AIRIM: variants seen among roughly 807,000 people sequenced by gnomAD.
AIRIM encodes the protein AFG2 interacting ribosome maturation factor.
chr1:37,681,894 C>A, the AIRIM span: 1 of 152,086 alleles, frequency 6.6e-6, no homozygotes, highest in African/African-American at 2.4e-5. Flanking sequence ...GACAACCTAA[C>A]AGTATGTATC....
At chr1:37,687,384 G>A in the AIRIM span, among the ~76,000 whole-genome samples, 3 of 151,234 alleles carry the variant, frequency 2.0e-5, no homozygotes, top group East Asian at 1.9e-4. Context: ...CACCTACCTC[G>A]GCCTCCCAAA....
At chr1:37,683,240 T>C in the AIRIM span, 1 of 1,610,574 alleles carries the variant, frequency 6.2e-7, no homozygotes, top group African/African-American at 1.3e-5. Flanking sequence ...CAAGGGCACC[T>C]TCCTAATGCT....
At chr1:37,689,473 T>G in the AIRIM span, 1 of 1,097,554 alleles carries the variant, frequency 9.1e-7, no homozygotes, top group Admixed American at 2.7e-5. Flanking sequence ...CCAGATGAAG[T>G]AAGGAAGGTT....
the AIRIM span, chr1:37,683,007 G>T: frequency 9.1e-7 from 1 of 1,097,742 alleles, no homozygotes; most frequent in African/African-American, 1.6e-5. Flanking sequence ...AAGGTTCAAG[G>T]CACTGATGTT....
the AIRIM span, chr1:37,682,958 C>CAG: frequency 1.4e-6 from 1 of 694,464 alleles, no homozygotes; most frequent in Non-Finnish European, 2.4e-6. Flanking sequence ...GCTCCAAAAT[C>CAG]AGACATCTAG....
the AIRIM span, chr1:37,690,604 G>T: frequency 1.8e-6 from 1 of 571,228 alleles, no homozygotes; most frequent in Non-Finnish European, 2.6e-6. Flanking sequence ...ATATCGTAGT[G>T]CCGCAATGAC....
At chr1:37,683,426 C>A in the AIRIM span, 7 of 1,613,792 alleles carry the variant, frequency 4.3e-6, no homozygotes, top group South Asian at 7.7e-5. Flanking sequence ...AAGATACTTT[C>A]TCTTCAGGTA....
chr1:37,685,823 T>C, the AIRIM span, among the ~76,000 whole-genome samples: 1 of 152,222 alleles, frequency 6.6e-6, no homozygotes, highest in Non-Finnish European at 1.5e-5. Flanking sequence ...GGAATGTTCT[T>C]ACCACAAGGC....
At chr1:37,686,122 G>A in the AIRIM span, 140 of 683,518 alleles carry the variant, frequency 2.0e-4, 3 homozygotes, top group South Asian at 2.9e-3. Flanking sequence ...ATTATTAGAG[G>A]AAGGATTATA....
At chr1:37,684,271 G>C in the AIRIM span, 1 of 152,264 alleles carries the variant, frequency 6.6e-6, no homozygotes. Flanking sequence ...GCTTAGTAAT[G>C]TCAGCCGCAG....
the AIRIM span, chr1:37,686,266 A>C: frequency 6.2e-7 from 1 of 1,609,082 alleles, no homozygotes; most frequent in Non-Finnish European, 8.5e-7. Flanking sequence ...ATGTGTGCAA[A>C]GGATACGACT....
At chr1:37,684,977 G>C in the AIRIM span, among the ~76,000 whole-genome samples, 1 of 151,496 alleles carries the variant, frequency 6.6e-6, no homozygotes, top group Non-Finnish European at 1.5e-5. Flanking sequence ...GGTCAACACA[G>C]CAAGACCCCA....
chr1:37,689,504 G>T, the AIRIM span: 6 of 1,340,964 alleles, frequency 4.5e-6, no homozygotes, highest in Non-Finnish European at 6.0e-6. Context: ...CACATGCCAC[G>T]CTTTCAAGGA....
chr1:37,690,703 C>A, the AIRIM span, among the ~76,000 whole-genome samples: 2 of 152,222 alleles, frequency 1.3e-5, no homozygotes, highest in Non-Finnish European at 2.9e-5. Flanking sequence ...AACACGGCGA[C>A]TTCTCATTTG....
the AIRIM span, among the ~76,000 whole-genome samples, chr1:37,685,134 C>A: frequency 2.1e-5 from 3 of 139,726 alleles, no homozygotes; most frequent in African/African-American, 8.1e-5. Context: ...TAGGTCTTAT[C>A]CTGTTACTCC....
the AIRIM span, chr1:37,683,586 A>C: frequency 1.2e-6 from 1 of 819,490 alleles, no homozygotes; most frequent in East Asian, 2.6e-5. Flanking sequence ...TATGCTACAA[A>C]TATTTCCTGA....
the AIRIM span, chr1:37,690,258 T>G: frequency 1.5e-6 from 2 of 1,292,486 alleles, no homozygotes; most frequent in African/African-American, 3.0e-5. Context: ...GTGCTGGGAT[T>G]ACAGGCGTGA....
the AIRIM span, chr1:37,683,193 C>G: frequency 6.2e-7 from 1 of 1,604,452 alleles, no homozygotes; most frequent in Non-Finnish European, 8.5e-7. Context: ...ATGGCATTAT[C>G]ACCTCTCCCG....
At chr1:37,685,632 C>G in the AIRIM span, among the ~76,000 whole-genome samples, 14 of 152,236 alleles carry the variant, frequency 9.2e-5, no homozygotes, top group East Asian at 2.7e-3. Context: ...AAGCAGTCCT[C>G]CCACCTCAGC....
Sources: gnomAD v4.1 joint callset for allele counts (sites outside exome capture counted in the v4.1 genomes callset) on GRCh38, gnomAD v4.1.1 for gene constraint, MANE v1.5 for transcripts, NCBI Gene and HGNC (gene_info 2026-07-23, HGNC 2026-07-21) for gene names.